Variants in ARHGAP6 observed in about 807,000 individuals in gnomAD.
ARHGAP6 encodes the protein rho GTPase-activating protein 6.
ARHGAP6 carries 16 observed loss-of-function variants against 55.7 expected under a neutral mutation model. The ratio of observed to expected loss-of-function variants is 0.29; its 90% confidence interval spans 0.19 to 0.44. The LOEUF is 0.44. Ranked by LOEUF, ARHGAP6 falls within the 20% of genes least tolerant of loss-of-function variation. ARHGAP6 has a pLI of 1.00. For missense variants in ARHGAP6, 698 were observed against 808.9 expected, an observed-to-expected ratio of 0.86 and a Z score of 1.66; for synonymous variants, 382 against 360.9, an observed-to-expected ratio of 1.06 and a Z score of -0.66.
At chrX:11,645,159 T>A (rs2052513725) in intron 1 of ARHGAP6, among the ~76,000 whole-genome samples, 1 of 111,503 alleles carries the variant, frequency 9.0e-6, no homozygotes, top group African/African-American at 3.3e-5. Flanking sequence ...GGAGAACAGA[T>A]CAGTGGTTGC....
intron 10 of ARHGAP6, among the ~76,000 whole-genome samples, chrX:11,153,224 C>T (rs886589962): frequency 9.0e-6 from 1 of 111,042 alleles, no homozygotes; most frequent in African/African-American, 3.3e-5. Flanking sequence ...GATACCCATG[C>T]ATAGTAAAGT....
At chrX:11,549,233 T>C (rs764341040) in intron 1 of ARHGAP6, among the ~76,000 whole-genome samples, 1 of 111,940 alleles carries the variant, frequency 8.9e-6, no homozygotes, top group Non-Finnish European at 1.9e-5. Flanking sequence ...ATAAAAATTG[T>C]ATGGCTAAGA....
chrX:11,243,021 A>T (rs1215007378), intron 2 of ARHGAP6, among the ~76,000 whole-genome samples: 1 of 112,062 alleles, frequency 8.9e-6, no homozygotes. Flanking sequence ...CACTATATAC[A>T]TAAATGTGCT....
At chrX:11,385,348 T>C (rs1237467715) in intron 1 of ARHGAP6, among the ~76,000 whole-genome samples, 1 of 112,008 alleles carries the variant, frequency 8.9e-6, no homozygotes, top group East Asian at 2.8e-4. Context: ...CTGGTACTAA[T>C]AATGATGATA....
intron 1 of ARHGAP6, among the ~76,000 whole-genome samples, chrX:11,534,028 C>A (rs1330205590): frequency 9.0e-6 from 1 of 111,320 alleles, no homozygotes; most frequent in African/African-American, 3.3e-5. Context: ...GTGGTCAAGA[C>A]TAGAGACTAG....
chrX:11,477,484 C>G (rs2050415454), intron 1 of ARHGAP6, among the ~76,000 whole-genome samples: 1 of 111,332 alleles, frequency 9.0e-6, no homozygotes, highest in South Asian at 3.7e-4. Flanking sequence ...ACCATATATC[C>G]CGGCCATTTT....
At chrX:11,169,773 C>CT (rs759297343) in intron 8 of ARHGAP6, 89 bp from the exon 9 acceptor site, 18,019 of 558,889 alleles carry the variant, frequency 0.032, 1 homozygote, top group East Asian at 0.054. Flanking sequence ...TTTTACTCTC[C>CT]TTTTTTTTTT....
Position 11,156,589 on chromosome X carries a change from A to T in ARHGAP6, c.1847T>A (p.Leu616Gln). The change falls in exon 10 of 13, where the codon CTG becomes CAG. Residue 616 changes from leucine to glutamine, a missense_variant. Leu to Gln is a moderately radical substitution (Grantham distance 113). Coordinates refer to ENST00000337414, the MANE Select transcript of ARHGAP6 (RefSeq NM_013427.3). ...PDLQNEVLIS[L>Q]LETDPDVVDY... ...CACGACATCAGGATCGGTCTCTAAC[A>T]GGCTGATCAGCACTTCGTTCTGGAG... 2.5e-6 allele frequency: 3 copies of T among 1,211,629 alleles called. No homozygotes were observed. Among genetic ancestry groups the T allele is most frequent in the Non-Finnish European group, 3.4e-6 (3 of 895,285 alleles).
chrX:11,176,996 A>G (rs1399598679), intron 8 of ARHGAP6, among the ~76,000 whole-genome samples: 1 of 112,467 alleles, frequency 8.9e-6, no homozygotes, highest in Non-Finnish European at 1.9e-5. Flanking sequence ...TGGGAAAGAA[A>G]TTTGACAAAC....
chrX:11,303,552 C>CA (rs2048197707), intron 1 of ARHGAP6, among the ~76,000 whole-genome samples: 1 of 112,062 alleles, frequency 8.9e-6, no homozygotes, highest in Non-Finnish European at 1.9e-5. Flanking sequence ...CTATGGTCAA[C>CA]AAAAAACACC....
At chrX:11,552,555 CATATATATATATATATATATATAT>C (rs59008705) in intron 1 of ARHGAP6, among the ~76,000 whole-genome samples, 241 of 12,555 alleles carry the variant, frequency 0.019, 12 homozygotes, top group African/African-American at 0.066. Flanking sequence ...GAAAATGTGC[CATATATATATATATATATATATAT>C]ATATATATAT....
intron 1 of ARHGAP6, among the ~76,000 whole-genome samples, chrX:11,537,200 C>T (rs1244900758): frequency 1.8e-5 from 2 of 112,217 alleles, no homozygotes; most frequent in East Asian, 2.8e-4. Flanking sequence ...AACGTCCTGT[C>T]GCGACAACAG....
intron 9 of ARHGAP6, among the ~76,000 whole-genome samples, chrX:11,158,360 GAAATAGAGAT>G (rs1432670345): frequency 9.0e-6 from 1 of 111,645 alleles, no homozygotes; most frequent in Non-Finnish European, 1.9e-5. Context: ...ACAATACCAA[GAAATAGAGAT>G]AAAAGGGATG....
chrX:11,332,490 C>G (rs5935008), intron 1 of ARHGAP6, among the ~76,000 whole-genome samples: 1 of 111,235 alleles, frequency 9.0e-6, no homozygotes, highest in African/African-American at 3.3e-5. Flanking sequence ...CTTGCTGGTA[C>G]TACCAGAGAT....
At chrX:11,147,228 C>T (rs1019242977) in intron 10 of ARHGAP6, among the ~76,000 whole-genome samples, 35 of 112,220 alleles carry the variant, frequency 3.1e-4, no homozygotes, top group African/African-American at 1.1e-3. Context: ...CATGCATCAA[C>T]ATATGCACAC....
intron 1 of ARHGAP6, among the ~76,000 whole-genome samples, chrX:11,396,283 A>G (rs996165806): frequency 9.1e-6 from 1 of 110,152 alleles, no homozygotes; most frequent in East Asian, 2.9e-4. Context: ...TCAGGGCATG[A>G]TACCACAGAA....
chrX:11,522,526 A>G (rs754211666), intron 1 of ARHGAP6, among the ~76,000 whole-genome samples: 139 of 111,368 alleles, frequency 1.2e-3, no homozygotes, highest in African/African-American at 4.3e-3. Context: ...AGAATCAAAT[A>G]GACGCAATAA....
In ARHGAP6 at chrX:11,573,507, G is replaced by C. The variant is rs200589582; in HGVS notation, c.588+90734C>G. ...GATCAGATAGTTGTAGATATGCGGC[G>C]TTATTTCTGAGGGCTCTGTTCTGTT... is the stretch of plus-strand genomic sequence containing the variant. On this transcript the variant is annotated intron_variant, in intron 1 of 12. Transcript: ENST00000337414. 2.1e-3 allele frequency among the ~76,000 whole-genome samples: 225 copies of C among 107,092 alleles called. 1 individual carries two copies. The highest frequency in any genetic ancestry group is 3.3e-3 in the Non-Finnish European group (172 of 51,628). The allele number at this position is 107,092 out of a possible 115,157, so 93.0% of individuals were successfully genotyped here.
chrX:11,466,191 A>G (rs1267625341), intron 1 of ARHGAP6, among the ~76,000 whole-genome samples: 1 of 111,745 alleles, frequency 8.9e-6, no homozygotes, highest in African/African-American at 3.3e-5. Context: ...TGACTCCTGT[A>G]CTACCATCTT....
Sources: gnomAD v4.1 joint callset for allele counts (sites outside exome capture counted in the v4.1 genomes callset) on GRCh38, gnomAD v4.1.1 for gene constraint, MANE v1.5 for transcripts, NCBI Gene and HGNC (gene_info 2026-07-23, HGNC 2026-07-21) for gene names.